IGF2BP2: variants seen among roughly 807,000 people sequenced by gnomAD.
IGF2BP2 encodes insulin-like growth factor 2 mRNA-binding protein 2.
In IGF2BP2, 17 loss-of-function variants were observed where a neutral mutation model predicts 75.8. The ratio of observed to expected loss-of-function variants is 0.22; its 90% CI spans 0.15 to 0.34. IGF2BP2 has a LOEUF of 0.34. Among genes scored for constraint, IGF2BP2 ranks in the 10% least tolerant of loss-of-function variants. The pLI, the probability that IGF2BP2 is intolerant of heterozygous loss-of-function variation, is 1.00. For missense variants in IGF2BP2, 516 were observed against 772.4 expected (o/e 0.67, Z 3.93); for synonymous variants, 288 against 295.6 (o/e 0.97, Z 0.26).
At position 185,785,659 on chromosome 3, in the gene IGF2BP2, T is replaced by TA. The variant is rs887984525; in HGVS notation, c.239+37493dup. On this transcript the variant is annotated intron_variant, in intron 2 of 15. Coordinates refer to ENST00000382199, the MANE Select transcript of IGF2BP2 (RefSeq NM_006548.6). ...CATATCAAGACTCTGCCTCTAAAAA[T>TA]AAAAAAAATAATAATAATTAGCTGG... Among the ~76,000 whole-genome samples, 176 of 150,038 alleles carry TA rather than the reference T, an allele frequency of 1.2e-3. 1 individual carries two copies. Among genetic ancestry groups the TA allele is most frequent in the African/African-American group, 3.2e-3 (131 of 40,468 alleles).
In IGF2BP2 at chr3:185,675,289, G is replaced by GA. The variant is rs1355746809; in HGVS notation, c.1071+6dup. 1.9e-6 allele frequency: 3 copies of GA among 1,602,344 alleles called. No homozygotes were observed. In the Admixed American group the frequency reaches 5.3e-5, roughly 28 times the overall value. On this transcript the variant is annotated splice_region_variant and intron_variant, in intron 9 of 15. Coordinates refer to ENST00000382199, the MANE Select transcript of IGF2BP2 (RefSeq NM_006548.6). ...AACCAGCGGAGAAGAAAGCATTAGG[G>GA]ACTTACGTTAACAGCCAGCATATCA...
At chr3:185,657,957 G>T (rs950273957) in intron 11 of IGF2BP2, among the ~76,000 whole-genome samples, 1 of 152,194 alleles carries the variant, frequency 6.6e-6, no homozygotes, top group Non-Finnish European at 1.5e-5. Flanking sequence ...AAGGCTGCCA[G>T]GGGTCCTTGC....
intron 2 of IGF2BP2, among the ~76,000 whole-genome samples, chr3:185,739,049 A>G (rs1729197161): frequency 6.6e-6 from 1 of 152,252 alleles, no homozygotes; most frequent in Non-Finnish European, 1.5e-5. Flanking sequence ...ATTTTCAAAT[A>G]ATAAAAATAT....
intron 2 of IGF2BP2, among the ~76,000 whole-genome samples, 163 bp downstream of exon 2, chr3:185,822,990 T>C (rs1327039021): frequency 1.5e-5 from 2 of 137,838 alleles, no homozygotes; most frequent in African/African-American, 5.4e-5. Context: ...ATAATGAAAG[T>C]AAAAAAAAAA....
At chr3:185,750,347 T>C (rs1163912824) in intron 2 of IGF2BP2, among the ~76,000 whole-genome samples, 1 of 152,134 alleles carries the variant, frequency 6.6e-6, no homozygotes, top group African/African-American at 2.4e-5. Context: ...AATCTATAAA[T>C]TATAAACCTC....
intron 2 of IGF2BP2, among the ~76,000 whole-genome samples, chr3:185,741,074 C>G (rs1729490096): frequency 6.6e-6 from 1 of 152,090 alleles, no homozygotes; most frequent in African/African-American, 2.4e-5. Flanking sequence ...CGGGGTTTCA[C>G]TGTGTTAGCC....
intron 2 of IGF2BP2, among the ~76,000 whole-genome samples, chr3:185,821,751 G>C (rs902661487): frequency 6.6e-6 from 1 of 151,894 alleles, no homozygotes; most frequent in Non-Finnish European, 1.5e-5. Context: ...TTATTTCACT[G>C]TTCAATATAT....
intron 2 of IGF2BP2, among the ~76,000 whole-genome samples, chr3:185,741,834 G>A (rs1057330047): frequency 3.3e-5 from 5 of 152,172 alleles, no homozygotes; most frequent in Admixed American, 3.3e-4. Flanking sequence ...ATGTGTGGGT[G>A]CAGCCCAAGA....
chr3:185,687,342 A>G (rs1453624902), intron 6 of IGF2BP2, 151 bp from the exon 7 acceptor site: 9 of 744,894 alleles, frequency 1.2e-5, no homozygotes, highest in African/African-American at 1.8e-5. Context: ...ATTCTCCAAG[A>G]AGGAGGCAAG....
At chr3:185,696,543 T>G in intron 4 of IGF2BP2, 69 bp downstream of exon 4, 1 of 1,310,910 alleles carries the variant, frequency 7.6e-7, no homozygotes, top group Non-Finnish European at 1.1e-6. Context: ...TCCCTGGAGT[T>G]GACCTAACCT....
chr3:185,741,025 T>C (rs1400622434), intron 2 of IGF2BP2, among the ~76,000 whole-genome samples: 1 of 152,146 alleles, frequency 6.6e-6, no homozygotes, highest in East Asian at 1.9e-4. Flanking sequence ...TATAGGCACA[T>C]GCCACCATGC....
At chr3:185,809,697 T>C (rs1420762128) in intron 2 of IGF2BP2, among the ~76,000 whole-genome samples, 1 of 151,772 alleles carries the variant, frequency 6.6e-6, no homozygotes, top group Non-Finnish European at 1.5e-5. Flanking sequence ...TAAAAACCCA[T>C]TCACAAAAAA....
At chr3:185,717,936 C>G (rs1560350195) in intron 2 of IGF2BP2, 1 of 152,242 alleles carries the variant, frequency 6.6e-6, no homozygotes, top group Non-Finnish European at 1.5e-5. Flanking sequence ...CTGTTCACTT[C>G]ACTGACAGCT....
intron 9 of IGF2BP2, 118 bp from the exon 10 acceptor site, chr3:185,672,787 G>T: frequency 8.9e-7 from 1 of 1,118,740 alleles, no homozygotes; most frequent in Admixed American, 2.2e-5. Context: ...GCTCTGCCCA[G>T]GCTCTTCCTA....
rs146865195 is a variant in IGF2BP2, at chr3:185,730,018, T to C, written c.240-31671A>G. Among the ~76,000 whole-genome samples the C allele has an allele frequency of 6.2e-3, 946 of 152,270 alleles. 7 individuals carry two copies. Among genetic ancestry groups the C allele is most frequent in the African/African-American group, 0.022 (896 of 41,540 alleles). ...ATGTCTCCAGGGGTATGTGTGCAGG[T>C]TTGTTACGTGGATATACTGCATAAT... is the stretch of plus-strand genomic sequence containing the variant. On this transcript the variant is annotated intron_variant, in intron 2 of 15. Coordinates refer to ENST00000382199, the MANE Select transcript of IGF2BP2 (RefSeq NM_006548.6).
intron 7 of IGF2BP2, among the ~76,000 whole-genome samples, chr3:185,678,868 T>C (rs568099624): frequency 6.0e-4 from 92 of 152,340 alleles, no homozygotes; most frequent in African/African-American, 2.2e-3. Flanking sequence ...CCTTTAACAT[T>C]GTATAACGTC....
chr3:185,687,045 A>G lies in IGF2BP2; in HGVS notation c.812+12T>C, dbSNP rs1293410671. Reference sequence around the variant, plus strand: ...CTCTGTTGAGTGATCTGGGCATTGCATGCAAACTTACAGTTTGGTCTCATC... The same window carrying G: ...CTCTGTTGAGTGATCTGGGCATTGCGTGCAAACTTACAGTTTGGTCTCATC... On this transcript the variant is annotated intron_variant, in intron 7 of 15. Transcript: ENST00000382199. 2 of 1,611,010 alleles carry G rather than the reference A, an allele frequency of 1.2e-6. No individual in the cohort carries two copies. Among genetic ancestry groups the G allele is most frequent in the Non-Finnish European group, 1.7e-6 (2 of 1,179,488 alleles).
At chr3:185,665,625 GGAT>G (rs1290744818) in intron 10 of IGF2BP2, among the ~76,000 whole-genome samples, 1 of 151,736 alleles carries the variant, frequency 6.6e-6, no homozygotes, top group Non-Finnish European at 1.5e-5. Flanking sequence ...AGGAGGAGGA[GGAT>G]ATCTACAAAA....
chr3:185,675,520 G>A (rs970299361), intron 8 of IGF2BP2, 89 bp from the exon 9 acceptor site: 40 of 1,473,362 alleles, frequency 2.7e-5, no homozygotes, highest in Middle Eastern at 2.1e-4. Flanking sequence ...AAGTTTTGGC[G>A]GAGAGAGAGA....
Sources: gnomAD v4.1 joint callset for allele counts (sites outside exome capture counted in the v4.1 genomes callset) on GRCh38, gnomAD v4.1.1 for gene constraint, MANE v1.5 for transcripts, NCBI Gene and HGNC (gene_info 2026-07-23, HGNC 2026-07-21) for gene names.